Variants in AMY2B observed in about 807,000 individuals in gnomAD.
AMY2B encodes alpha-amylase 2B.
A neutral mutation model predicts 59.3 loss-of-function variants in AMY2B; 63 were observed. The observed-to-expected ratio is 1.06, with a 90% CI of 0.87 to 1.31. The LOEUF (loss-of-function observed/expected upper bound fraction) is 1.31, where lower values mean the gene tolerates loss of function less well. Among genes scored for constraint, AMY2B ranks in the 50% most tolerant of loss-of-function variants. The pLI is 0.00. For missense variants in AMY2B, 635 were observed against 626.7 expected (o/e 1.01, Z -0.14); for synonymous variants, 180 against 198.1 (o/e 0.91, Z 0.77).
upstream of AMY2B, chr1:103,569,531 TC>T (rs1215515817): frequency 3.2e-6 from 1 of 310,106 alleles, no homozygotes; most frequent in East Asian, 1.1e-4. Context: ...CGCTCCACTG[TC>T]CCACTCCTCC....
upstream of AMY2B, chr1:103,571,026 A>G (rs141522949): frequency 7.7e-4 from 291 of 380,294 alleles, 2 homozygotes; most frequent in African/African-American, 5.5e-3. Flanking sequence ...CAGGGTATTA[A>G]TGTGTCAGGA....
exon 1 of AMY2B, chr1:103,554,859 A>T (rs1433336828): frequency 6.6e-6 from 1 of 152,548 alleles, no homozygotes; most frequent in Admixed American, 6.5e-5. Flanking sequence ...ATAGTTAAAA[A>T]GATTTTGTAA....
At chr1:103,576,675 A>G (rs1416502923) in intron 7 of AMY2B, among the ~76,000 whole-genome samples, 1 of 152,194 alleles carries the variant, frequency 6.6e-6, no homozygotes, top group Non-Finnish European at 1.5e-5. Context: ...ATTGTTTTGT[A>G]CAATTATCTA....
At chr1:103,572,703 T>A (rs946794857) in intron 2 of AMY2B, among the ~76,000 whole-genome samples, 2 of 152,130 alleles carry the variant, frequency 1.3e-5, no homozygotes, top group Admixed American at 6.6e-5. Flanking sequence ...TTCAAAAGCT[T>A]AGTAGAGAGT....
chr1:103,574,765 A>C (rs1321542293), intron 5 of AMY2B, among the ~76,000 whole-genome samples: 3 of 151,518 alleles, frequency 2.0e-5, no homozygotes, highest in Non-Finnish European at 4.4e-5. Flanking sequence ...ATATGAATTA[A>C]AAATATAAAA....
intron 1 of AMY2B, among the ~76,000 whole-genome samples, chr1:103,563,041 A>T (rs1651785013): frequency 6.6e-6 from 1 of 152,062 alleles, no homozygotes; most frequent in African/African-American, 2.4e-5. Flanking sequence ...ATATTGATTG[A>T]AAAAATACTT....
In AMY2B at chr1:103,575,792, A is replaced by T; in HGVS notation, c.1101+252A>T. ...AGCCCACAGGAAAAAAAAAAAAACCACTTAAAAATAAGAGCTAGGCACAGG... is the reference window on the plus strand; with the variant it reads ...AGCCCACAGGAAAAAAAAAAAAACCTCTTAAAAATAAGAGCTAGGCACAGG... On this transcript the variant is annotated intron_variant, in intron 7 of 9. Coordinates refer to ENST00000684275, the MANE Select transcript of AMY2B (RefSeq NM_001387437.1). The T allele has an allele frequency of 6.7e-6, 3 of 448,464 alleles. No individual in the cohort carries two copies. The South Asian group carries it at 1.1e-4, about 16-fold the overall frequency. The allele number at this position is 448,464 out of a possible 1,614,324, so 27.8% of individuals were successfully genotyped here.
chr1:103,570,300 C>T (rs566906453), upstream of AMY2B: 42 of 597,998 alleles, frequency 7.0e-5, no homozygotes, highest in Middle Eastern at 6.0e-4. Context: ...TCATCACCAT[C>T]GGCAATGAGG....
chr1:103,579,511 T>G lies in AMY2B; in HGVS notation c.*11T>G. The G allele has an allele frequency of 1.2e-6, 2 of 1,607,988 alleles. No homozygotes were observed. Among genetic ancestry groups the G allele is most frequent in the Non-Finnish European group, 1.7e-6 (2 of 1,178,392 alleles). On this transcript the variant is annotated 3_prime_UTR_variant, in exon 10 of 10. Transcript: ENST00000684275. ...GAATCTAAATTATAAAATTTAAAAT[T>G]AAATGCATATCCTCAAAACAATAGC...
upstream of AMY2B, chr1:103,569,875 C>A (rs1652051666): frequency 2.2e-6 from 1 of 459,226 alleles, no homozygotes; most frequent in South Asian, 1.8e-5. Flanking sequence ...TGACCGAGGA[C>A]CCCCTGAACC....
chr1:103,574,674 T>C (rs1283245369), intron 5 of AMY2B, among the ~76,000 whole-genome samples: 1 of 152,134 alleles, frequency 6.6e-6, no homozygotes, highest in Non-Finnish European at 1.5e-5. Context: ...TATAATCTTT[T>C]AAAGCCAGGT....
At chr1:103,562,503 G>A (rs753811347) in intron 1 of AMY2B, among the ~76,000 whole-genome samples, 5 of 152,024 alleles carry the variant, frequency 3.3e-5, no homozygotes, top group Non-Finnish European at 7.4e-5. Flanking sequence ...AAAACTCAGA[G>A]GAATTAAGAC....
intron 5 of AMY2B, 77 bp downstream of exon 5, chr1:103,574,470 G>A: frequency 6.2e-7 from 1 of 1,601,296 alleles, no homozygotes; most frequent in Non-Finnish European, 8.5e-7. Context: ...GTTATCTTCT[G>A]GAACATTCTT....
At chr1:103,575,608 T>C in intron 7 of AMY2B, 68 bp downstream of exon 7, 1 of 1,585,534 alleles carries the variant, frequency 6.3e-7, no homozygotes. Context: ...TCTAACTTAA[T>C]ATGACAACTA....
At position 103,573,734 on chromosome 1, in the gene AMY2B, T is replaced by C; in HGVS notation, c.540T>C (p.Leu180=). 6.2e-7 allele frequency: 1 copy of C among 1,613,758 alleles called. No homozygotes were observed. The highest frequency in any genetic ancestry group is 8.5e-7 in the Non-Finnish European group (1 of 1,179,676). ...TCAGAGATTGTCGTCTGGTTGGTCTTCTTGATCTTGCACTGGAGAAAGATT... is the reference window on the plus strand; with the variant it reads ...TCAGAGATTGTCGTCTGGTTGGTCTCCTTGATCTTGCACTGGAGAAAGATT... ...TQVRDCRLVG[L]LDLALEKDYV... Residue 180 remains leucine, a synonymous_variant, in exon 4 of 10, where the codon CTT becomes CTC. Coordinates refer to ENST00000684275, the MANE Select transcript of AMY2B (RefSeq NM_001387437.1).
intron 1 of AMY2B, among the ~76,000 whole-genome samples, chr1:103,561,484 T>A (rs1389929060): frequency 1.3e-5 from 2 of 152,136 alleles, no homozygotes; most frequent in African/African-American, 4.8e-5. Context: ...GCCAGGCTGG[T>A]CTCAAAGAGT....
intron 1 of AMY2B, chr1:103,565,108 C>A (rs1412810586): frequency 6.6e-6 from 1 of 152,166 alleles, no homozygotes; most frequent in African/African-American, 2.4e-5. Context: ...GTTCCAAGAC[C>A]CCCAGCAGGT....
rs200203470 is a variant in AMY2B, at chr1:103,572,202, A to G, written c.261A>G (p.Arg87=). 690 of 1,611,562 alleles carry G rather than the reference A, an allele frequency of 4.3e-4. No homozygotes were observed. The highest frequency in any genetic ancestry group is 5.7e-4 in the Non-Finnish European group (674 of 1,179,674). The change falls in exon 2 of 10, where the codon AGA becomes AGG. Residue 87 remains arginine, a synonymous_variant. Coordinates refer to ENST00000684275, the MANE Select transcript of AMY2B (RefSeq NM_001387437.1). ...YQPVSYKLCT[R]SGNEDEFRNM... The stretch of plus-strand genomic sequence containing the variant: ...CAGTTAGCTATAAATTATGCACAAG[A>G]TCTGGAAATGAAGATGAATTTAGAA...
intron 1 of AMY2B, among the ~76,000 whole-genome samples, chr1:103,556,721 G>T (rs1445001777): frequency 6.6e-6 from 1 of 152,014 alleles, no homozygotes; most frequent in South Asian, 2.1e-4. Context: ...GGAAGGAGAT[G>T]AATTCAAGAA....
Sources: gnomAD v4.1 joint callset for allele counts (sites outside exome capture counted in the v4.1 genomes callset) on GRCh38, gnomAD v4.1.1 for gene constraint, MANE v1.5 for transcripts, NCBI Gene and HGNC (gene_info 2026-07-23, HGNC 2026-07-21) for gene names.